ATP8A2: variants seen among roughly 807,000 people sequenced by gnomAD.
ATP8A2 encodes the protein phospholipid-transporting ATPase IB.
Under a neutral mutation model 165.6 loss-of-function variants are expected in ATP8A2, and 100 were observed. The observed-to-expected ratio is 0.60, with a 90% confidence interval of 0.51 to 0.71. ATP8A2 has a LOEUF of 0.71. Among genes scored for constraint, ATP8A2 ranks in the 30% least tolerant of loss-of-function variants. The probability of loss-of-function intolerance (pLI) is 0.00; values close to 1 mark genes in which losing one functional copy is unlikely to be tolerated. For synonymous variants in ATP8A2, 543 were observed against 548.8 expected, an observed-to-expected ratio of 0.99 and a Z score of 0.15; for missense variants, 1,227 against 1,479.5, an observed-to-expected ratio of 0.83 and a Z score of 2.80.
At chr13:25,567,774 A>G (rs1283353986) in intron 16 of ATP8A2, among the ~76,000 whole-genome samples, 10 of 152,240 alleles carry the variant, frequency 6.6e-5, no homozygotes, top group Non-Finnish European at 4.4e-5. Context: ...GACATTTAAC[A>G]TCTAGCTGCA....
At chr13:25,402,897 G>A (rs1214616802) in intron 1 of ATP8A2, among the ~76,000 whole-genome samples, 2 of 152,160 alleles carry the variant, frequency 1.3e-5, no homozygotes, top group Non-Finnish European at 2.9e-5. Context: ...TCAAGGCACA[G>A]CCAGATTCAG....
At chr13:25,638,730 C>A (rs2041435584) in intron 24 of ATP8A2, among the ~76,000 whole-genome samples, 1 of 152,122 alleles carries the variant, frequency 6.6e-6, no homozygotes, top group African/African-American at 2.4e-5. Flanking sequence ...GGCAGGCCAA[C>A]ATTCAAATTC....
chr13:25,383,181 G>A (rs2032916962), intron 1 of ATP8A2, among the ~76,000 whole-genome samples: 1 of 151,650 alleles, frequency 6.6e-6, no homozygotes, highest in African/African-American at 2.4e-5. Flanking sequence ...AAGTAGCTGG[G>A]ACTACAGGCG....
chr13:25,725,486 G>A (rs996504189), intron 25 of ATP8A2, among the ~76,000 whole-genome samples: 1 of 152,184 alleles, frequency 6.6e-6, no homozygotes, highest in Non-Finnish European at 1.5e-5. Context: ...CTGAGGGACC[G>A]AAGATCAGCA....
intron 33 of ATP8A2, among the ~76,000 whole-genome samples, chr13:25,935,107 T>C (rs1041822060): frequency 6.6e-6 from 1 of 152,216 alleles, no homozygotes; most frequent in African/African-American, 2.4e-5. Context: ...GATGACACTC[T>C]GTTTTACAAA....
Position 25,699,361 on chromosome 13 carries a change from C to A in ATP8A2, c.2384+16C>A. The A allele has an allele frequency of 6.3e-7, 1 of 1,590,066 alleles. No individual in the cohort carries two copies. Among genetic ancestry groups the A allele is most frequent in the Non-Finnish European group, 8.6e-7 (1 of 1,165,840 alleles). The stretch of plus-strand genomic sequence containing the variant: ...TATGCTGCAGGTAGGAACCTGCAGG[C>A]TGTGCACAGTTCACACTCTGCTGTG... On this transcript the variant is annotated intron_variant, in intron 25 of 36. Transcript: ENST00000381655.
At chr13:25,748,170 G>A (rs1441309294) in intron 25 of ATP8A2, among the ~76,000 whole-genome samples, 2 of 152,096 alleles carry the variant, frequency 1.3e-5, no homozygotes, top group Non-Finnish European at 2.9e-5. Flanking sequence ...ATTGTGAATG[G>A]GCTAGTTTAA....
Position 25,432,491 on chromosome 13 carries a change from C to T in ATP8A2, c.77-36486C>T, listed in dbSNP as rs17082289. Among the ~76,000 whole-genome samples the T allele has an allele frequency of 8.5e-3, 1,290 of 152,256 alleles. 20 individuals carry two copies. Among genetic ancestry groups the T allele is most frequent in the African/African-American group, 0.029 (1,194 of 41,534 alleles). On this transcript the variant is annotated intron_variant, in intron 1 of 36. Transcript: ENST00000381655. ...ATAAACACGGAGTGAGCGTTTTCTT[C>T]TGGTGTGAACCCTGACTTCTTTAGT...
intron 33 of ATP8A2, among the ~76,000 whole-genome samples, chr13:25,903,778 A>G (rs997161100): frequency 1.1e-4 from 17 of 151,992 alleles, no homozygotes; most frequent in African/African-American, 3.4e-4. Context: ...CCTGTTTCCA[A>G]GTCACTTTTC....
In ATP8A2 at chr13:25,501,579, C is replaced by T. The variant is rs539446053; in HGVS notation, c.222-28420C>T. On this transcript the variant is annotated intron_variant, in intron 2 of 36. Coordinates refer to ENST00000381655, the MANE Select transcript of ATP8A2 (RefSeq NM_016529.6). ...GGAATTAGCCCTAGAAGGGGCAATC[C>T]CCTCCCAGGGTCAGTGAAGCCCCAG... Among the ~76,000 whole-genome samples, 18 of 152,262 alleles carry T rather than the reference C, an allele frequency of 1.2e-4. No homozygotes were observed. The South Asian group carries it at 3.1e-3, about 26-fold the overall frequency.
chr13:25,534,135 A>C (rs908537715), intron 6 of ATP8A2: 4 of 525,698 alleles, frequency 7.6e-6, no homozygotes, highest in Non-Finnish European at 1.6e-5. Flanking sequence ...TGATATGGTA[A>C]CTGCAGCATT....
chr13:25,836,087 G>C lies in ATP8A2; in HGVS notation c.2755-1076G>C, dbSNP rs538679042. On this transcript the variant is annotated intron_variant, in intron 28 of 36. Transcript: ENST00000381655. ...CTTTCTTTACAGAGTTCAAACAGGG[G>C]ACTTCTGTATCATGCTGCCTCAGGT... Among the ~76,000 whole-genome samples the C allele has an allele frequency of 4.6e-5, 7 of 152,322 alleles. No individual in the cohort carries two copies. The South Asian group carries it at 1.4e-3, about 32-fold the overall frequency.
At chr13:25,532,737 G>T (rs2038154978) in intron 5 of ATP8A2, among the ~76,000 whole-genome samples, 1 of 152,156 alleles carries the variant, frequency 6.6e-6, no homozygotes, top group East Asian at 1.9e-4. Flanking sequence ...CATGATCATG[G>T]CTCACTGTAG....
chr13:25,855,115 G>T (rs1165202644), intron 30 of ATP8A2, among the ~76,000 whole-genome samples: 1 of 152,130 alleles, frequency 6.6e-6, no homozygotes, highest in Non-Finnish European at 1.5e-5. Context: ...GCTGGGTGTG[G>T]TGGCGCATGC....
At chr13:25,539,368 A>G (rs1004580284) in intron 7 of ATP8A2, among the ~76,000 whole-genome samples, 29 of 151,584 alleles carry the variant, frequency 1.9e-4, no homozygotes, top group African/African-American at 7.0e-4. Flanking sequence ...CCGCCTTGGC[A>G]TCTCAAAGTG....
chr13:25,961,535 G>C (rs1955659697), intron 33 of ATP8A2, 40 bp from the exon 34 acceptor site: 2 of 1,460,712 alleles, frequency 1.4e-6, no homozygotes, highest in African/African-American at 1.4e-5. Flanking sequence ...GTTTTTGAAA[G>C]AGAAAGTATT....
chr13:25,685,918 T>C (rs1378392714), intron 24 of ATP8A2, among the ~76,000 whole-genome samples: 2 of 152,134 alleles, frequency 1.3e-5, no homozygotes, highest in African/African-American at 4.8e-5. Flanking sequence ...AGGGTGACCC[T>C]AGCAGTGGCC....
At chr13:25,411,228 A>G (rs1286605076) in intron 1 of ATP8A2, among the ~76,000 whole-genome samples, 1 of 152,214 alleles carries the variant, frequency 6.6e-6, no homozygotes, top group Non-Finnish European at 1.5e-5. Flanking sequence ...TCTTTTGCAA[A>G]GACTAAAGGT....
intron 1 of ATP8A2, among the ~76,000 whole-genome samples, chr13:25,432,611 A>T (rs2034646730): frequency 6.6e-6 from 1 of 151,552 alleles, no homozygotes; most frequent in Non-Finnish European, 1.5e-5. Context: ...CCCCAGTTTT[A>T]TGATGTTCCA....
Sources: allele counts gnomAD v4.1 joint callset (sites outside exome capture counted in the v4.1 genomes callset), GRCh38; gene constraint gnomAD v4.1.1; transcripts MANE v1.5; gene names NCBI Gene and HGNC (gene_info 2026-07-23, HGNC 2026-07-21).